The following CHD6 variants were observed in gnomAD, a reference collection of about 807,000 sequenced individuals.
CHD6 encodes ATP-dependent chromatin remodeler CHD6.
In CHD6, 50 loss-of-function variants were observed where a neutral mutation model predicts 276.9. The ratio of observed to expected loss-of-function variants is 0.18; its 90% confidence interval spans 0.14 to 0.23. The LOEUF is 0.23. Among genes scored for constraint, CHD6 ranks in the 10% least tolerant of loss-of-function variants. The pLI, the probability that CHD6 is intolerant of heterozygous loss-of-function variation, is 1.00. For missense variants in CHD6, 2,564 were observed against 3,365.8 expected (o/e 0.76, Z 5.89); for synonymous variants, 1,173 against 1,229.3 (o/e 0.95, Z 0.96).
At chr20:41,521,951 C>T (rs995195850) in intron 3 of CHD6, among the ~76,000 whole-genome samples, 1 of 152,140 alleles carries the variant, frequency 6.6e-6, no homozygotes, top group Non-Finnish European at 1.5e-5. Flanking sequence ...GGAATCCATA[C>T]CAATGAGACA....
chr20:41,593,870 CT>C (rs1359626411), intron 1 of CHD6, among the ~76,000 whole-genome samples: 1 of 152,078 alleles, frequency 6.6e-6, no homozygotes, highest in Non-Finnish European at 1.5e-5. Flanking sequence ...CTGCTGACAT[CT>C]TGATCTTGGA....
Position 41,415,551 on chromosome 20 carries a change from G to C in CHD6, c.6574C>G (p.Arg2192Gly), listed in dbSNP as rs576645172. The change falls in exon 34 of 37, where the codon CGG (arginine) becomes GGG (glycine). Residue 2192 changes from arginine to glycine, a missense_variant. By Grantham distance (125) the Arg-to-Gly change is moderately radical. This residue lies in a region of CHD6 where 1,024 missense variants were observed against 1,047.9 expected (regional missense o/e 0.98). Transcript: ENST00000373233. Reference protein sequence around the residue: ...EFEVERDAKARGLEQFSATHG... With the variant: ...EFEVERDAKAGGLEQFSATHG... ...GTGGCAGAGAACTGCTCCAGGCCCC[G>C]AGCCTTTGCATCCCTCTCCACCTCA... The C allele has an allele frequency of 1.9e-6, 3 of 1,613,974 alleles. No individual in the cohort carries two copies. The highest frequency in any genetic ancestry group is 1.6e-4 in the Middle Eastern group (1 of 6,084).
In CHD6 at chr20:41,440,062, G is replaced by A. The variant is rs140946816; in HGVS notation, c.3945C>T (p.Pro1315=). Residue 1315 remains proline, a synonymous_variant, in exon 26 of 37, where the codon CCC becomes CCT. Coordinates refer to ENST00000373233, the MANE Select transcript of CHD6 (RefSeq NM_032221.5). ...ALCFLEKVGM[P]DEKSLSAEQG... Reference sequence around the variant, plus strand: ...GTTCTGCAGAAAGGGACTTCTCATCGGGCATCCCAACTTTCTCCAGGAAGC... The same window carrying A: ...GTTCTGCAGAAAGGGACTTCTCATCAGGCATCCCAACTTTCTCCAGGAAGC... 1.4e-5 allele frequency: 23 copies of A among 1,613,690 alleles called. No individual in the cohort carries two copies. Among genetic ancestry groups the A allele is most frequent in the Admixed American group, 3.3e-5 (2 of 60,002 alleles).
At chr20:41,606,890 A>G (rs892976008) in intron 1 of CHD6, among the ~76,000 whole-genome samples, 5 of 152,152 alleles carry the variant, frequency 3.3e-5, no homozygotes, top group Non-Finnish European at 4.4e-5. Flanking sequence ...AGCTCTTCAG[A>G]TGATTCTAAT....
chr20:41,484,304 G>A (rs200489768), intron 15 of CHD6, 48 bp downstream of exon 15: 12 of 1,603,250 alleles, frequency 7.5e-6, no homozygotes, highest in Admixed American at 1.7e-5. Flanking sequence ...TTAGCTTCTC[G>A]CAGAGGTCAT....
At chr20:41,514,316 C>A (rs2044198103) in intron 4 of CHD6, among the ~76,000 whole-genome samples, 1 of 152,192 alleles carries the variant, frequency 6.6e-6, no homozygotes, top group Non-Finnish European at 1.5e-5. Flanking sequence ...GTCACGGGCA[C>A]ATTTTGGTAT....
intron 8 of CHD6, chr20:41,497,112 C>T (rs1341839012): frequency 5.5e-6 from 2 of 361,188 alleles, no homozygotes; most frequent in African/African-American, 2.1e-5. Flanking sequence ...GAATTGTGTG[C>T]GTATTCCTCT....
chr20:41,471,032 C>T (rs2043040703), intron 17 of CHD6, among the ~76,000 whole-genome samples: 2 of 152,208 alleles, frequency 1.3e-5, no homozygotes, highest in Admixed American at 1.3e-4. Flanking sequence ...AAGCCGAGAA[C>T]TTTGTAACTG....
rs547618777 is a variant in CHD6 at position 41,554,284 on chromosome 20, A to T, written c.-23-2924T>A. Among the ~76,000 whole-genome samples the T allele has an allele frequency of 1.7e-3, 259 of 152,354 alleles. 1 individual carries two copies. The highest frequency in any genetic ancestry group is 1.4e-3 in the Non-Finnish European group (97 of 68,028). ...CACAATTTCTGATTCACTACCACAA[A>T]CTAGCACTGGAATAAAAACAAGCAG... On this transcript the variant is annotated intron_variant, in intron 1 of 36. Transcript: ENST00000373233.
Position 41,484,454 on chromosome 20 carries a change from A to C in CHD6, c.2155T>G (p.Phe719Val). ...TTTGCCCCCTTGGTCAGGAAGGAAA[A>C]GTTCTTCTCGAGGATGGCACGGTAG... is the stretch of plus-strand genomic sequence containing the variant. Reference protein sequence around the residue: ...KYYRAILEKNFSFLTKGANQH... With the variant: ...KYYRAILEKNVSFLTKGANQH... Residue 719 changes from phenylalanine (F) to valine (V), a missense_variant, in exon 15 of 37, where the codon TTT becomes GTT. Coordinates refer to ENST00000373233, the MANE Select transcript of CHD6 (RefSeq NM_032221.5). 6.2e-7 allele frequency: 1 copy of C among 1,613,792 alleles called. No individual in the cohort carries two copies. The highest frequency in any genetic ancestry group is 8.5e-7 in the Non-Finnish European group (1 of 1,179,832).
chr20:41,493,842 A>G lies in CHD6; in HGVS notation c.1179+16T>C, dbSNP rs1182374983. The G allele has an allele frequency of 6.2e-7, 1 of 1,604,284 alleles. No homozygotes were observed. Among genetic ancestry groups the G allele is most frequent in the Admixed American group, 1.7e-5 (1 of 59,954 alleles). On this transcript the variant is annotated intron_variant, in intron 9 of 36. Transcript: ENST00000373233. ...TGGAAAGAAGGGAAGATGCTTCAGG[A>G]GAGGCAAATACCCACCTCCCCTGTT...
At chr20:41,594,127 T>A (rs1385837119) in intron 1 of CHD6, among the ~76,000 whole-genome samples, 5 of 152,130 alleles carry the variant, frequency 3.3e-5, no homozygotes, top group African/African-American at 1.2e-4. Flanking sequence ...ATAATAAGCA[T>A]CCCTATAGTT....
intron 27 of CHD6, among the ~76,000 whole-genome samples, chr20:41,430,987 C>G (rs1273860027): frequency 6.6e-6 from 1 of 151,730 alleles, no homozygotes; most frequent in African/African-American, 2.4e-5. Context: ...GCGCATGCCA[C>G]CACACCTGGC....
Position 41,484,717 on chromosome 20 carries a change from T to C in CHD6, c.2002-110A>G, listed in dbSNP as rs540459822. 257 of 1,124,536 alleles carry C rather than the reference T, an allele frequency of 2.3e-4. No homozygotes were observed. The African/African-American group carries it at 3.6e-3, about 16-fold the overall frequency. The allele number at this position is 1,124,536 out of a possible 1,614,324, so 69.7% of individuals were successfully genotyped here. A position where few individuals can be genotyped will look rare whatever the true frequency, so the allele number is the denominator to read the frequency against. ...TGAACATTTACCCATAGTACTGTGG[T>C]AGTAGACTAAAAGAAAGATTATGAT... On this transcript the variant is annotated intron_variant, in intron 14 of 36. Coordinates refer to ENST00000373233, the MANE Select transcript of CHD6 (RefSeq NM_032221.5).
chr20:41,504,284 T>A (rs2043920199), intron 5 of CHD6, among the ~76,000 whole-genome samples: 1 of 151,780 alleles, frequency 6.6e-6, no homozygotes, highest in African/African-American at 2.4e-5. Flanking sequence ...CCACTTGGTC[T>A]TGAATTTTAT....
At chr20:41,517,650 T>C (rs1193987627) in intron 3 of CHD6, among the ~76,000 whole-genome samples, 1 of 152,258 alleles carries the variant, frequency 6.6e-6, no homozygotes, top group Non-Finnish European at 1.5e-5. Context: ...TATCTCATGT[T>C]ATGTGGCTCC....
At chr20:41,528,121 T>C (rs2044589342) in intron 3 of CHD6, among the ~76,000 whole-genome samples, 1 of 152,206 alleles carries the variant, frequency 6.6e-6, no homozygotes, top group Admixed American at 6.5e-5. Context: ...TAATAAGAAA[T>C]TTCTTTCTCA....
intron 3 of CHD6, among the ~76,000 whole-genome samples, chr20:41,523,519 T>C (rs974993168): frequency 7.2e-5 from 11 of 152,242 alleles, no homozygotes; most frequent in Non-Finnish European, 1.2e-4. Flanking sequence ...ATATCATACA[T>C]GTAGGACAAC....
At chr20:41,577,328 G>A (rs2045485259) in intron 1 of CHD6, among the ~76,000 whole-genome samples, 1 of 152,170 alleles carries the variant, frequency 6.6e-6, no homozygotes, top group Admixed American at 6.5e-5. Context: ...TATCTGGGTG[G>A]CCGCTTTGTA....
Sources: gnomAD v4.1 joint callset for allele counts (sites outside exome capture counted in the v4.1 genomes callset) on GRCh38, gnomAD v4.1.1 for gene constraint, gnomAD v4.1.1 regional missense constraint, MANE v1.5 for transcripts, NCBI Gene and HGNC (gene_info 2026-07-23, HGNC 2026-07-21) for gene names.